The following VNN1 variants were observed in gnomAD, a reference collection of about 807,000 sequenced individuals.
The protein encoded by VNN1 is vanin 1, also known as pantetheinase.
A neutral mutation model predicts 41.9 loss-of-function variants in VNN1; 29 were observed. The observed-to-expected ratio is 0.69, with a 90% CI of 0.52 to 0.94. VNN1 has a LOEUF of 0.94. Among genes scored for constraint, VNN1 ranks in the 40% least tolerant of loss-of-function variants. VNN1 has a pLI of 0.00. For synonymous variants in VNN1, 233 were observed against 224.4 expected, an observed-to-expected ratio of 1.04 and a Z score of -0.34; for missense variants, 637 against 621.1, an observed-to-expected ratio of 1.03 and a Z score of -0.27.
intron 2 of VNN1, among the ~76,000 whole-genome samples, chr6:132,697,298 A>T (rs984287838): frequency 1.3e-5 from 2 of 152,104 alleles, no homozygotes; most frequent in Non-Finnish European, 2.9e-5. Flanking sequence ...CATAAAGATA[A>T]ATAGAACACG....
chr6:132,684,296 C>T, intron 6 of VNN1, 39 bp downstream of exon 6: 1 of 1,583,772 alleles, frequency 6.3e-7, no homozygotes, highest in South Asian at 1.2e-5. Flanking sequence ...AGTGCTTCCT[C>T]TTACATGAAA....
At chr6:132,695,387 C>G (rs986319635) in intron 2 of VNN1, among the ~76,000 whole-genome samples, 1 of 152,146 alleles carries the variant, frequency 6.6e-6, no homozygotes, top group Middle Eastern at 3.2e-3. Context: ...TTACCAATTC[C>G]TCATCCCCTG....
In VNN1 at chr6:132,702,376, T is replaced by C. The variant is rs1367798738; in HGVS notation, c.342-8194A>G. Among the ~76,000 whole-genome samples, 7 of 152,308 alleles carry C rather than the reference T, an allele frequency of 4.6e-5. No individual in the cohort carries two copies. In the East Asian group the frequency reaches 7.7e-4, roughly 17 times the overall value. On this transcript the variant is annotated intron_variant, in intron 2 of 6. Coordinates refer to ENST00000367928, the MANE Select transcript of VNN1 (RefSeq NM_004666.3). ...CAGAAAGCATACTCCACCCTGTCCA[T>C]TAAAAAATTGTCTTCCACAAAACCA...
At chr6:132,709,163 T>C (rs1346304179) in intron 2 of VNN1, among the ~76,000 whole-genome samples, 1 of 152,006 alleles carries the variant, frequency 6.6e-6, no homozygotes. Flanking sequence ...GGTAGACAGA[T>C]GAAAGATACC....
Position 132,693,184 on chromosome 6 carries a change from G to A in VNN1, c.666C>T (p.Thr222=). 1.9e-6 allele frequency: 3 copies of A among 1,614,090 alleles called. No individual in the cohort carries two copies. The highest frequency in any genetic ancestry group is 2.5e-6 in the Non-Finnish European group (3 of 1,180,022). Residue 222 remains threonine (T), a synonymous_variant, in exon 4 of 7, where the codon ACC becomes ACT. Transcript: ENST00000367928. ...FDILFHDPAV[T]LVKDFHVDTI... ...TGTCCACGTGGAAATCTTTCACCAA[G>A]GTAACAGCAGGATCATGGAAGAGTA... is the stretch of plus-strand genomic sequence containing the variant.
chr6:132,702,841 C>T lies in VNN1; in HGVS notation c.342-8659G>A, dbSNP rs369841822. Among the ~76,000 whole-genome samples the T allele has an allele frequency of 2.6e-5, 4 of 152,272 alleles. No individual in the cohort carries two copies. The East Asian group carries it at 7.7e-4, about 29-fold the overall frequency. ...AATCATCACCTGCTAACTAAAGAGC[C>T]CTTGGGCTTTGAATAAACATCAGTG... On this transcript the variant is annotated intron_variant, in intron 2 of 6. Coordinates refer to ENST00000367928, the MANE Select transcript of VNN1 (RefSeq NM_004666.3).
At position 132,700,824 on chromosome 6, in the gene VNN1, G is replaced by A. The variant is rs544211700; in HGVS notation, c.342-6642C>T. 1.5e-4 allele frequency among the ~76,000 whole-genome samples: 23 copies of A among 152,068 alleles called. No individual in the cohort carries two copies. In the South Asian group the frequency reaches 2.5e-3, roughly 17 times the overall value. ...TAATATTTAAGCAGACTTCAAATACGTTTGGGTTTTTTTCTGTTTGTTTCT... is the reference window on the plus strand; with the variant it reads ...TAATATTTAAGCAGACTTCAAATACATTTGGGTTTTTTTCTGTTTGTTTCT... On this transcript the variant is annotated intron_variant, in intron 2 of 6. Coordinates refer to ENST00000367928, the MANE Select transcript of VNN1 (RefSeq NM_004666.3).
chr6:132,709,168 G>T (rs1218438789), intron 2 of VNN1, among the ~76,000 whole-genome samples: 1 of 151,966 alleles, frequency 6.6e-6, no homozygotes, highest in Non-Finnish European at 1.5e-5. Context: ...ACAGATGAAA[G>T]ATACCTATAT....
chr6:132,705,521 T>A (rs750330313), intron 2 of VNN1, among the ~76,000 whole-genome samples: 2 of 152,102 alleles, frequency 1.3e-5, no homozygotes, highest in Admixed American at 6.6e-5. Context: ...GGAACATACC[T>A]CAACACAATA....
At chr6:132,710,663 G>T (rs1262081753) in intron 2 of VNN1, among the ~76,000 whole-genome samples, 1 of 152,058 alleles carries the variant, frequency 6.6e-6, no homozygotes, top group Admixed American at 6.6e-5. Flanking sequence ...GAGAATGATG[G>T]TTTCCAGCTT....
intron 2 of VNN1, among the ~76,000 whole-genome samples, chr6:132,697,583 T>C (rs1371067168): frequency 6.6e-6 from 1 of 151,904 alleles, no homozygotes; most frequent in African/African-American, 2.4e-5. Flanking sequence ...TCTGAAATGA[T>C]AAATGGTTAT....
At chr6:132,685,759 T>C (rs1247060130) in intron 5 of VNN1, among the ~76,000 whole-genome samples, 2 of 152,172 alleles carry the variant, frequency 1.3e-5, no homozygotes, top group African/African-American at 4.8e-5. Context: ...AGCAGAAAGT[T>C]GTGAAGGATG....
intron 2 of VNN1, among the ~76,000 whole-genome samples, chr6:132,702,699 C>T (rs1054200868): frequency 2.0e-5 from 3 of 152,186 alleles, no homozygotes; most frequent in Non-Finnish European, 4.4e-5. Context: ...AAATAAAGCA[C>T]CAAGTAGAGT....
chr6:132,683,042 A>G lies in VNN1; in HGVS notation c.*98T>C, dbSNP rs1778150108. The G allele has an allele frequency of 1.9e-6, 2 of 1,027,140 alleles. No homozygotes were observed. The highest frequency in any genetic ancestry group is 4.0e-5 in the South Asian group (2 of 50,012). The allele number at this position is 1,027,140 out of a possible 1,614,324, so 63.6% of individuals were successfully genotyped here. A position where few individuals can be genotyped will look rare whatever the true frequency, so the allele number is the denominator to read the frequency against. ...CTAAATAAAGAGAAACTAGTAATTCACTTATACTAGAGGATAATATTAACC... is the reference window on the plus strand; with the variant it reads ...CTAAATAAAGAGAAACTAGTAATTCGCTTATACTAGAGGATAATATTAACC... On this transcript the variant is annotated 3_prime_UTR_variant, in exon 7 of 7. Transcript: ENST00000367928.
At position 132,684,432 on chromosome 6, in the gene VNN1, C is replaced by T. The variant is rs751542839; in HGVS notation, c.1262G>A (p.Arg421Lys). 5.0e-6 allele frequency: 8 copies of T among 1,614,006 alleles called. No homozygotes were observed. The Admixed American group carries it at 1.3e-4, about 27-fold the overall frequency. The change falls in exon 6 of 7, where the codon AGG becomes AAG. Residue 421 changes from arginine (R) to lysine (K), a missense_variant. Physicochemically the swap from Arg to Lys is conservative, Grantham distance 26 (BLOSUM62 2). Coordinates refer to ENST00000367928, the MANE Select transcript of VNN1 (RefSeq NM_004666.3). ...GCCACTGAGGGAGAACATTTCAAAC[C>T]TGGTAGAAGCTGTTTCAGCTGAGTC... ...CGDSAETAST[R>K]FEMFSLSGTF...
intron 2 of VNN1, among the ~76,000 whole-genome samples, chr6:132,696,957 T>C (rs1225022291): frequency 6.6e-6 from 1 of 151,734 alleles, no homozygotes; most frequent in East Asian, 1.9e-4. Context: ...TACAAAAAAT[T>C]AGCCAGGCGT....
At position 132,693,023 on chromosome 6, in the gene VNN1, C is replaced by T. The variant is rs2114345823; in HGVS notation, c.826+1G>A. The T allele has an allele frequency of 6.2e-7, 1 of 1,600,704 alleles. No homozygotes were observed. Among genetic ancestry groups the T allele is most frequent in the Non-Finnish European group, 8.5e-7 (1 of 1,172,314 alleles). On this transcript the variant is annotated splice_donor_variant, in intron 4 of 6. Coordinates refer to ENST00000367928, the MANE Select transcript of VNN1 (RefSeq NM_004666.3). LOFTEE classifies it high-confidence loss of function. ...TGCATATCTTTAAGATCACACATTACCTGTCATTTTCTTTGAGGGGTAATG... is the reference window on the plus strand; with the variant it reads ...TGCATATCTTTAAGATCACACATTATCTGTCATTTTCTTTGAGGGGTAATG...
chr6:132,703,803 T>C (rs905733771), intron 2 of VNN1, among the ~76,000 whole-genome samples: 2 of 152,158 alleles, frequency 1.3e-5, no homozygotes, highest in Non-Finnish European at 2.9e-5. Context: ...AATGGTCGAT[T>C]GTGTACAAGA....
At chr6:132,699,547 A>G (rs927427717) in intron 2 of VNN1, 1 of 163,104 alleles carries the variant, frequency 6.1e-6, no homozygotes, top group African/African-American at 2.4e-5. Flanking sequence ...CTCATCAAAC[A>G]AATGTTCCAA....
Sources: allele counts gnomAD v4.1 joint callset (sites outside exome capture counted in the v4.1 genomes callset), GRCh38; gene constraint gnomAD v4.1.1; transcripts MANE v1.5; gene names NCBI Gene and HGNC (gene_info 2026-07-23, HGNC 2026-07-21).